MYRFL: variants seen among roughly 807,000 people sequenced by gnomAD.
The protein encoded by MYRFL is myelin regulatory factor-like protein.
A neutral mutation model predicts 109.4 loss-of-function variants in MYRFL; 88 were observed. The observed-to-expected ratio is 0.80, with a 90% CI of 0.68 to 0.96. The LOEUF is 0.96. Among genes scored for constraint, MYRFL ranks in the 40% least tolerant of loss-of-function variants. The pLI, the probability that MYRFL is intolerant of heterozygous loss-of-function variation, is 0.00. For missense variants in MYRFL, 957 were observed against 954.9 expected, an observed-to-expected ratio of 1.00 and a Z score of -0.03; for synonymous variants, 324 against 320.9, an observed-to-expected ratio of 1.01 and a Z score of -0.10.
Position 69,879,220 on chromosome 12 carries a change from C to T in MYRFL, c.231C>T (p.Pro77=). The T allele has an allele frequency of 1.4e-6, 1 of 702,894 alleles. No individual in the cohort carries two copies. Among genetic ancestry groups the T allele is most frequent in the Non-Finnish European group, 2.6e-6 (1 of 384,852 alleles). The allele number at this position is 702,894 out of a possible 1,614,324, so 43.5% of individuals were successfully genotyped here. A position where few individuals can be genotyped will look rare whatever the true frequency, so the allele number is the denominator to read the frequency against. The part of the protein sequence containing the change: ...VKGACYPTLR[P]TAGRTPAPFL... The stretch of plus-strand genomic sequence containing the variant: ...GTGCATGCTACCCAACCCTGAGGCC[C>T]ACAGCTGGGAGGACTCCAGCTCCTT... The change falls in exon 4 of 25, where the codon CCC becomes CCT. Residue 77 remains proline (P), a synonymous_variant. Coordinates refer to ENST00000552032, the MANE Select transcript of MYRFL (RefSeq NM_182530.3).
intron 13 of MYRFL, among the ~76,000 whole-genome samples, chr12:69,923,509 AATTTT>A (rs1369891946): frequency 3.3e-5 from 5 of 152,086 alleles, no homozygotes; most frequent in African/African-American, 9.7e-5. Context: ...TAAATGTTTT[AATTTT>A]ATGTTTATAT....
At chr12:69,896,980 A>G (rs1488366989) in intron 9 of MYRFL, among the ~76,000 whole-genome samples, 176 bp from the exon 10 acceptor site, 1 of 152,256 alleles carries the variant, frequency 6.6e-6, no homozygotes, top group Non-Finnish European at 1.5e-5. Context: ...AAGTGAATCA[A>G]CTACTCTCTT....
At chr12:69,956,479 C>CTACTT (rs1488211368) in intron 22 of MYRFL, among the ~76,000 whole-genome samples, 1 of 152,140 alleles carries the variant, frequency 6.6e-6, no homozygotes, top group African/African-American at 2.4e-5. Flanking sequence ...ATGCAATGAG[C>CTACTT]TACTTTCCAT....
In MYRFL at chr12:69,958,001, C is replaced by T. The variant is rs996817389; in HGVS notation, c.2571+59C>T. On this transcript the variant is annotated intron_variant, in intron 23 of 24. Transcript: ENST00000552032. ...GAGAGGGATACATTGAGCAAATTGC[C>T]AGTGTTTTCCCTCCCTGGCCAACCC... is the stretch of plus-strand genomic sequence containing the variant. The T allele has an allele frequency of 2.3e-5, 34 of 1,497,128 alleles. No homozygotes were observed. In the Admixed American group the frequency reaches 4.1e-4, roughly 18 times the overall value. 92.7% of individuals were successfully genotyped at this position (1,497,128 alleles called of 1,614,324 possible).
intron 19 of MYRFL, among the ~76,000 whole-genome samples, chr12:69,936,943 T>C (rs1955488423): frequency 1.3e-5 from 2 of 152,166 alleles, no homozygotes; most frequent in South Asian, 4.1e-4. Flanking sequence ...TGGGTGGATT[T>C]TTTGGGCTCA....
chr12:69,895,392 G>C lies in MYRFL; in HGVS notation c.1002G>C (p.Gln334His). Residue 334 changes from glutamine (Q) to histidine (H), a missense_variant, in exon 9 of 25, where the codon CAG becomes CAC. Physicochemically the swap from Gln to His is conservative, Grantham distance 24 (BLOSUM62 0). Transcript: ENST00000552032. ...TTAGAATTGACCTACTGGCTGACCA[G>C]GTCACCAAAGTAACACTGGGACGAT... ...NPVKIDLLAD[Q>H]VTKVTLGRLH... 6.5e-7 allele frequency: 1 copy of C among 1,534,964 alleles called. No homozygotes were observed. The highest frequency in any genetic ancestry group is 8.7e-7 in the Non-Finnish European group (1 of 1,146,450).
intron 7 of MYRFL, among the ~76,000 whole-genome samples, chr12:69,892,658 G>A (rs1247159779): frequency 6.6e-6 from 1 of 152,114 alleles, no homozygotes; most frequent in Non-Finnish European, 1.5e-5. Flanking sequence ...GCACCAAACT[G>A]AGCTCTTAAA....
At chr12:69,938,783 G>A (rs368553179) in intron 19 of MYRFL, among the ~76,000 whole-genome samples, 10 of 152,234 alleles carry the variant, frequency 6.6e-5, no homozygotes, top group Non-Finnish European at 1.3e-4. Flanking sequence ...CTGAGGTACC[G>A]GGTTCATCTC....
intron 2 of MYRFL, among the ~76,000 whole-genome samples, chr12:69,876,454 T>A (rs74101364): frequency 6.6e-6 from 1 of 152,108 alleles, no homozygotes; most frequent in African/African-American, 2.4e-5. Flanking sequence ...GGTAGGAGTT[T>A]AATCATCATA....
At chr12:69,949,006 A>G (rs1955907123) in intron 19 of MYRFL, among the ~76,000 whole-genome samples, 1 of 152,068 alleles carries the variant, frequency 6.6e-6, no homozygotes, top group African/African-American at 2.4e-5. Flanking sequence ...CCTTTCACCC[A>G]TATTCATTGA....
At chr12:69,916,856 T>G (rs1234163468) in intron 13 of MYRFL, among the ~76,000 whole-genome samples, 1 of 152,222 alleles carries the variant, frequency 6.6e-6, no homozygotes, top group Non-Finnish European at 1.5e-5. Context: ...CTGGGCCCTT[T>G]CAGAATATGA....
At chr12:69,885,318 C>CT (rs60396919) in intron 5 of MYRFL, among the ~76,000 whole-genome samples, 24,362 of 147,542 alleles carry the variant, frequency 0.17, 2,517 homozygotes, top group African/African-American at 0.3. Context: ...AAGAGAAATA[C>CT]TTTTTTTTTT....
intron 19 of MYRFL, among the ~76,000 whole-genome samples, chr12:69,937,606 C>G (rs1361468251): frequency 6.6e-6 from 1 of 152,318 alleles, no homozygotes; most frequent in East Asian, 1.9e-4. Flanking sequence ...ATGTATAACA[C>G]ATATCACCTC....
chr12:69,861,904 C>T (rs866969756), intron 2 of MYRFL, among the ~76,000 whole-genome samples: 6,786 of 151,674 alleles, frequency 0.045, 425 homozygotes, highest in African/African-American at 0.16. Flanking sequence ...AGTCTTTAAT[C>T]CATCTTGAAT....
intron 1 of MYRFL, among the ~76,000 whole-genome samples, chr12:69,853,509 C>T: frequency 6.6e-6 from 1 of 151,316 alleles, no homozygotes; most frequent in Non-Finnish European, 1.5e-5. Flanking sequence ...CGCCTCACAT[C>T]CCAGACGGGG....
intron 10 of MYRFL, among the ~76,000 whole-genome samples, chr12:69,902,512 T>C (rs975445559): frequency 1.8e-4 from 27 of 152,124 alleles, no homozygotes; most frequent in Non-Finnish European, 1.2e-4. Context: ...AGAGAAAATC[T>C]ATGCATATTC....
At chr12:69,844,326 A>G (rs1036616338) in intron 1 of MYRFL, among the ~76,000 whole-genome samples, 5 of 152,148 alleles carry the variant, frequency 3.3e-5, no homozygotes, top group African/African-American at 1.2e-4. Flanking sequence ...GATCTAAAGC[A>G]GGTGACACAG....
At chr12:69,852,779 GGTGATGACTCTTAACGAGC>G (rs1883962993) in intron 1 of MYRFL, among the ~76,000 whole-genome samples, 1 of 151,564 alleles carries the variant, frequency 6.6e-6, no homozygotes, top group Non-Finnish European at 1.5e-5. Context: ...ATTAGGGAGT[GGTGATGACTCTTAACGAGC>G]GTGCTGCCTT....
intron 2 of MYRFL, among the ~76,000 whole-genome samples, chr12:69,871,842 G>T (rs2136329208): frequency 6.6e-6 from 1 of 152,132 alleles, no homozygotes; most frequent in African/African-American, 2.4e-5. Context: ...TCTCTAAAAA[G>T]AGCTGAAAAT....
Sources: gnomAD v4.1 joint callset for allele counts (sites outside exome capture counted in the v4.1 genomes callset) on GRCh38, gnomAD v4.1.1 for gene constraint, MANE v1.5 for transcripts, NCBI Gene and HGNC (gene_info 2026-07-23, HGNC 2026-07-21) for gene names.